TMEM45A: variants seen among roughly 807,000 people sequenced by gnomAD.
TMEM45A encodes the protein transmembrane protein 45A.
Under a neutral mutation model 32.0 loss-of-function variants are expected in TMEM45A, and 25 were observed. The observed-to-expected ratio is 0.78, with a 90% CI of 0.57 to 1.09. The LOEUF (loss-of-function observed/expected upper bound fraction) is 1.09. TMEM45A is among the 50% of genes least tolerant of loss of function. TMEM45A has a pLI of 0.00. For missense variants in TMEM45A, 302 were observed against 325.0 expected (o/e 0.93, Z 0.54); for synonymous variants, 122 against 114.8 (o/e 1.06, Z -0.40).
chr3:100,575,038 A>C (rs1352100502), intron 5 of TMEM45A, among the ~76,000 whole-genome samples: 1 of 152,234 alleles, frequency 6.6e-6, no homozygotes. Context: ...GACTTTCATC[A>C]GAAAAAATAT....
chr3:100,548,163 T>G (rs550357933), intron 1 of TMEM45A, among the ~76,000 whole-genome samples: 1 of 152,258 alleles, frequency 6.6e-6, no homozygotes, highest in East Asian at 1.9e-4. Context: ...CATTCTGGCT[T>G]TGGGAGCAGC....
At chr3:100,538,838 TACA>T (rs1231143722) in intron 1 of TMEM45A, among the ~76,000 whole-genome samples, 1 of 152,022 alleles carries the variant, frequency 6.6e-6, no homozygotes, top group African/African-American at 2.4e-5. Flanking sequence ...AAATTAAAAA[TACA>T]ACATCATTTA....
chr3:100,498,394 A>G (rs552074853), intron 1 of TMEM45A, among the ~76,000 whole-genome samples: 3 of 152,328 alleles, frequency 2.0e-5, no homozygotes, highest in South Asian at 4.1e-4. Flanking sequence ...GAAGGCCTCA[A>G]TAGAAAAAGA....
intron 5 of TMEM45A, chr3:100,573,646 G>C (rs1706619343): frequency 6.6e-6 from 1 of 152,120 alleles, no homozygotes. Flanking sequence ...ATGTTGAATA[G>C]GAGTGGTGAG....
chr3:100,547,604 T>C (rs889525153), intron 1 of TMEM45A, among the ~76,000 whole-genome samples: 7 of 151,784 alleles, frequency 4.6e-5, no homozygotes, highest in African/African-American at 9.7e-5. Flanking sequence ...AAAGGAGGGG[T>C]TGATCTTTCT....
intron 4 of TMEM45A, among the ~76,000 whole-genome samples, chr3:100,567,656 T>C (rs1202727627): frequency 6.6e-6 from 1 of 152,208 alleles, no homozygotes; most frequent in East Asian, 1.9e-4. Flanking sequence ...TTTCCATTTA[T>C]TTAGATCTTT....
chr3:100,517,509 A>C (rs1043625207), intron 1 of TMEM45A, among the ~76,000 whole-genome samples: 2 of 152,226 alleles, frequency 1.3e-5, no homozygotes, highest in African/African-American at 4.8e-5. Context: ...TAAGGGTGTA[A>C]GTTCTGTAAG....
intron 1 of TMEM45A, among the ~76,000 whole-genome samples, chr3:100,531,595 T>C (rs1006792483): frequency 6.6e-6 from 1 of 152,212 alleles, no homozygotes; most frequent in Non-Finnish European, 1.5e-5. Flanking sequence ...ACTAGAGCAA[T>C]TGAATTGCTA....
chr3:100,498,603 T>C (rs1707966846), intron 1 of TMEM45A, among the ~76,000 whole-genome samples: 1 of 152,084 alleles, frequency 6.6e-6, no homozygotes, highest in African/African-American at 2.4e-5. Context: ...GTGTCCCCTG[T>C]TGGTTTTGTT....
intron 1 of TMEM45A, among the ~76,000 whole-genome samples, chr3:100,515,052 T>G (rs1412831032): frequency 6.0e-5 from 9 of 148,982 alleles, no homozygotes; most frequent in Non-Finnish European, 1.2e-4. Flanking sequence ...GTTCAACCAT[T>G]GTGGAAGTCA....
rs114565362 is a variant in TMEM45A at position 100,546,846 on chromosome 3, A to G, written c.-3-8363A>G. 6.0e-3 allele frequency among the ~76,000 whole-genome samples: 917 copies of G among 152,308 alleles called. 5 individuals carry two copies. The highest frequency in any genetic ancestry group is 0.02 in the African/African-American group (839 of 41,554). On this transcript the variant is annotated intron_variant, in intron 1 of 5. Coordinates refer to ENST00000323523, the MANE Select transcript of TMEM45A (RefSeq NM_018004.3). ...AGGTAAGGGATTTGGAGTCAGACAT[A>G]CAAGGACTTTGAAATCCTGGCTCTG...
intron 1 of TMEM45A, among the ~76,000 whole-genome samples, chr3:100,540,080 C>A (rs1487226158): frequency 1.3e-5 from 2 of 151,874 alleles, no homozygotes; most frequent in Non-Finnish European, 2.9e-5. Context: ...ATCAAGAGGA[C>A]AATCCATGAA....
intron 1 of TMEM45A, among the ~76,000 whole-genome samples, chr3:100,520,058 C>A (rs1401829071): frequency 1.3e-5 from 2 of 151,650 alleles, no homozygotes; most frequent in South Asian, 4.2e-4. Context: ...AAGGATTAAG[C>A]AGTGAAGAAA....
At chr3:100,535,339 G>A (rs1705723251) in intron 1 of TMEM45A, among the ~76,000 whole-genome samples, 1 of 152,052 alleles carries the variant, frequency 6.6e-6, no homozygotes, top group Non-Finnish European at 1.5e-5. Flanking sequence ...GTTTTGAATG[G>A]CTGGGCCTAT....
chr3:100,511,308 G>A (rs1043098534), intron 1 of TMEM45A, among the ~76,000 whole-genome samples: 29 of 152,234 alleles, frequency 1.9e-4, no homozygotes, highest in African/African-American at 6.7e-4. Context: ...AAGAGAGTGG[G>A]GGCCAATATT....
chr3:100,549,964 A>G (rs536098404), intron 1 of TMEM45A, among the ~76,000 whole-genome samples: 38 of 142,626 alleles, frequency 2.7e-4, no homozygotes, highest in African/African-American at 9.6e-4. Flanking sequence ...AATCCAGTCT[A>G]TCGTTGTTGG....
intron 1 of TMEM45A, among the ~76,000 whole-genome samples, chr3:100,501,853 T>G (rs1315323670): frequency 6.6e-6 from 1 of 152,228 alleles, no homozygotes; most frequent in Non-Finnish European, 1.5e-5. Context: ...GGTTGCCACA[T>G]AGACCCAATT....
intron 4 of TMEM45A, among the ~76,000 whole-genome samples, chr3:100,562,469 T>C (rs1413855982): frequency 1.3e-5 from 2 of 152,238 alleles, no homozygotes; most frequent in African/African-American, 2.4e-5. Flanking sequence ...CATTAGGCTC[T>C]GGGGCTGCTA....
intron 1 of TMEM45A, among the ~76,000 whole-genome samples, chr3:100,536,683 A>T (rs1446629228): frequency 5.3e-5 from 8 of 152,210 alleles, no homozygotes. Context: ...CAACAAAGCC[A>T]GAAATTCACC....
Sources: gnomAD v4.1 joint callset for allele counts (sites outside exome capture counted in the v4.1 genomes callset) on GRCh38, gnomAD v4.1.1 for gene constraint, MANE v1.5 for transcripts, NCBI Gene and HGNC (gene_info 2026-07-23, HGNC 2026-07-21) for gene names.